The following PTPN3 variants were observed in gnomAD, a reference collection of about 807,000 sequenced individuals.
PTPN3 encodes tyrosine-protein phosphatase non-receptor type 3.
PTPN3 carries 96 observed loss-of-function variants against 132.7 expected under a neutral mutation model. The ratio of observed to expected loss-of-function variants is 0.72; its 90% CI spans 0.61 to 0.86. The LOEUF (loss-of-function observed/expected upper bound fraction) is 0.86. PTPN3 is among the 40% of genes least tolerant of loss of function. The pLI is 0.00. For synonymous variants in PTPN3, 398 were observed against 429.0 expected (o/e 0.93, Z 0.89); for missense variants, 1,125 against 1,159.6 (o/e 0.97, Z 0.43).
intron 22 of PTPN3, among the ~76,000 whole-genome samples, chr9:109,387,107 G>A (rs1488459716): frequency 2.6e-5 from 4 of 152,200 alleles, no homozygotes; most frequent in Non-Finnish European, 4.4e-5. Flanking sequence ...AGCTCAGGGC[G>A]TGTACCACCT....
chr9:109,486,330 T>C (rs1179917623), intron 1 of PTPN3, among the ~76,000 whole-genome samples: 1 of 152,184 alleles, frequency 6.6e-6, no homozygotes, highest in East Asian at 1.9e-4. Flanking sequence ...CTGTGCTTTT[T>C]AAGGGAACGT....
chr9:109,496,234 C>T (rs1266840493), intron 1 of PTPN3, among the ~76,000 whole-genome samples: 3 of 152,124 alleles, frequency 2.0e-5, no homozygotes, highest in South Asian at 2.1e-4. Flanking sequence ...TATGGGAGCT[C>T]GCTATAAACT....
At chr9:109,473,024 T>A (rs1846455420) in intron 1 of PTPN3, among the ~76,000 whole-genome samples, 1 of 152,242 alleles carries the variant, frequency 6.6e-6, no homozygotes, top group African/African-American at 2.4e-5. Flanking sequence ...CAAAACTTTT[T>A]AAAAATTTGG....
the PTPN3 span, among the ~76,000 whole-genome samples, chr9:109,505,327 T>C: frequency 1.3e-5 from 2 of 152,210 alleles, no homozygotes; most frequent in African/African-American, 2.4e-5. Context: ...GACTGGAGTA[T>C]AGTGATGTGT....
intron 9 of PTPN3, 58 bp downstream of exon 9, chr9:109,436,825 T>G (rs13284236): frequency 0.083 from 128,673 of 1,553,908 alleles, 6,213 homozygotes; most frequent in Non-Finnish European, 0.091. Context: ...TTTTTCAAAC[T>G]CTCAGAGATT....
intron 19 of PTPN3, among the ~76,000 whole-genome samples, chr9:109,393,844 T>C (rs1190809051): frequency 6.6e-6 from 1 of 152,228 alleles, no homozygotes; most frequent in African/African-American, 2.4e-5. Context: ...AGTCTGTTTT[T>C]TCTCTTACTA....
chr9:109,401,211 C>T (rs1841062993), intron 19 of PTPN3, among the ~76,000 whole-genome samples: 1 of 152,186 alleles, frequency 6.6e-6, no homozygotes, highest in Non-Finnish European at 1.5e-5. Context: ...CCCACCATAC[C>T]CTCCAAAGAC....
Position 109,429,681 on chromosome 9 carries a change from C to T in PTPN3, c.765-997G>A, listed in dbSNP as rs754833254. Among the ~76,000 whole-genome samples the T allele has an allele frequency of 1.5e-4, 23 of 152,258 alleles. No individual in the cohort carries two copies. In the South Asian group the frequency reaches 2.9e-3, roughly 19 times the overall value. On this transcript the variant is annotated intron_variant, in intron 10 of 25. Coordinates refer to ENST00000374541, the MANE Select transcript of PTPN3 (RefSeq NM_002829.4). Reference sequence around the variant, plus strand: ...TGGCTTTTCAAATACACGAGTTTTGCGGAGCCAACTGTGTGACAAGTCTGT... The same window carrying T: ...TGGCTTTTCAAATACACGAGTTTTGTGGAGCCAACTGTGTGACAAGTCTGT...
chr9:109,410,190 C>G, intron 15 of PTPN3, 39 bp downstream of exon 15: 1 of 1,611,602 alleles, frequency 6.2e-7, no homozygotes, highest in Non-Finnish European at 8.5e-7. Flanking sequence ...CCGGGAAGCC[C>G]TGGGTGTGTG....
At chr9:109,485,549 TA>T (rs1264801732) in intron 1 of PTPN3, among the ~76,000 whole-genome samples, 1 of 151,882 alleles carries the variant, frequency 6.6e-6, no homozygotes, top group Non-Finnish European at 1.5e-5. Context: ...AAAGTAAAAA[TA>T]AAAAGAGTCA....
At chr9:109,384,182 G>A (rs567697058) in intron 22 of PTPN3, among the ~76,000 whole-genome samples, 1 of 152,110 alleles carries the variant, frequency 6.6e-6, no homozygotes, top group Admixed American at 6.5e-5. Context: ...GCCACTGTAG[G>A]GGGCAGGCGG....
Position 109,428,623 on chromosome 9 carries a change from G to A in PTPN3, c.826C>T (p.Gln276Ter). 1 of 1,613,344 alleles carries A rather than the reference G, an allele frequency of 6.2e-7. No individual in the cohort carries two copies. Among genetic ancestry groups the A allele is most frequent in the Non-Finnish European group, 8.5e-7 (1 of 1,179,396 alleles). ...CAAGCAAAGACATAACTACTCACCT[G>A]TTTCTGTCGCTGATGTATGAAGAAC... is the stretch of plus-strand genomic sequence containing the variant. ...KKFFIHQRQK[Q>*]AESREHIVAF... is the part of the protein sequence containing the mutation. Residue 276 changes from glutamine to a stop codon, truncating the protein, a stop_gained and splice_region_variant, in exon 11 of 26, where the codon CAG becomes TAG. Transcript: ENST00000374541. LOFTEE classifies it high-confidence loss of function.
intron 1 of PTPN3, among the ~76,000 whole-genome samples, chr9:109,465,828 C>T (rs953544887): frequency 1.2e-4 from 18 of 151,792 alleles, no homozygotes; most frequent in African/African-American, 4.4e-4. Context: ...GATGAAGGGC[C>T]TGAGAGTAAG....
rs1847769125 is a variant in PTPN3 at position 109,498,164 on chromosome 9, C to G, written c.-18+55G>C. On this transcript the variant is annotated intron_variant, in intron 1 of 25. Transcript: ENST00000374541. This position sits in a 1 kb window ranked among gnomAD's most constrained non-coding sequence, Gnocchi z 4.2. ...GGGGTGGCGCCGAGCGCGACCCCGG[C>G]CCCCGGCAGCCCCGCACCCTGCCCC... 2 of 146,380 alleles carry G rather than the reference C, an allele frequency of 1.4e-5. No individual in the cohort carries two copies. Among genetic ancestry groups the G allele is most frequent in the South Asian group, 4.2e-4 (2 of 4,808 alleles). The allele number at this position is 146,380 out of a possible 1,614,324, so 9.1% of individuals were successfully genotyped here.
At chr9:109,494,886 G>C (rs546748085) in intron 1 of PTPN3, among the ~76,000 whole-genome samples, 34 of 152,152 alleles carry the variant, frequency 2.2e-4, no homozygotes, top group African/African-American at 7.5e-4. Context: ...GCTCACACCT[G>C]GTCTTGGAAT....
At chr9:109,398,998 C>T (rs1840832422) in intron 19 of PTPN3, among the ~76,000 whole-genome samples, 1 of 152,138 alleles carries the variant, frequency 6.6e-6, no homozygotes, top group South Asian at 2.1e-4. Context: ...CTTGGCTACA[C>T]AAAGAGTATT....
At chr9:109,526,907 C>T in the PTPN3 span, among the ~76,000 whole-genome samples, 1 of 152,042 alleles carries the variant, frequency 6.6e-6, no homozygotes, top group South Asian at 2.1e-4. Context: ...TACAGCAAGT[C>T]AGTGGAGAAA....
At chr9:109,428,765 T>C in intron 10 of PTPN3, 81 bp from the exon 11 acceptor site, 1 of 1,525,318 alleles carries the variant, frequency 6.6e-7, no homozygotes, top group Non-Finnish European at 8.8e-7. Context: ...ATGCATGTCC[T>C]TTACTCCATG....
At chr9:109,404,951 C>T (rs1841437401) in intron 18 of PTPN3, among the ~76,000 whole-genome samples, 1 of 152,090 alleles carries the variant, frequency 6.6e-6, no homozygotes, top group Admixed American at 6.6e-5. Context: ...ATTCTTCTAC[C>T]CATCCCGACT....
Sources: gnomAD v4.1 joint callset for allele counts (sites outside exome capture counted in the v4.1 genomes callset) on GRCh38, gnomAD v4.1.1 for gene constraint, Gnocchi (gnomAD v3.1) non-coding constraint, MANE v1.5 for transcripts, NCBI Gene and HGNC (gene_info 2026-07-23, HGNC 2026-07-21) for gene names.